Variants in LSAMP observed in about 807,000 individuals in gnomAD.
LSAMP encodes the protein limbic system-associated membrane protein.
A neutral mutation model predicts 38.6 loss-of-function variants in LSAMP; 7 were observed. The observed-to-expected ratio is 0.18, with a 90% CI of 0.10 to 0.34. The LOEUF (loss-of-function observed/expected upper bound fraction) is 0.34. Among genes scored for constraint, LSAMP ranks in the 10% least tolerant of loss-of-function variants. The pLI, the probability that LSAMP is intolerant of heterozygous loss-of-function variation, is 1.00. For missense variants in LSAMP, 313 were observed against 420.0 expected, an observed-to-expected ratio of 0.75 and a Z score of 2.23; for synonymous variants, 154 against 166.8, an observed-to-expected ratio of 0.92 and a Z score of 0.59.
In LSAMP at chr3:115,899,638, A is replaced by T. The variant is rs552426996; in HGVS notation, c.515-47021T>A. ...CACATCCACTAAATCTTATATGTCA[A>T]ATTGCCATAAAATCTAGATGTGATG... On this transcript the variant is annotated intron_variant, in intron 3 of 6. Coordinates refer to ENST00000490035, the MANE Select transcript of LSAMP (RefSeq NM_002338.5). 1.2e-4 allele frequency among the ~76,000 whole-genome samples: 18 copies of T among 152,306 alleles called. No homozygotes were observed. In the South Asian group the frequency reaches 3.7e-3, roughly 32 times the overall value.
At chr3:116,162,644 TTATATA>T (rs142669732) in intron 1 of LSAMP, among the ~76,000 whole-genome samples, 5 of 148,558 alleles carry the variant, frequency 3.4e-5, no homozygotes, top group Admixed American at 1.4e-4. Context: ...TGTGTGTACA[TTATATA>T]TATATATATA....
chr3:116,065,608 T>G (rs1164039263), intron 2 of LSAMP, among the ~76,000 whole-genome samples: 3 of 152,218 alleles, frequency 2.0e-5, no homozygotes, highest in Admixed American at 2.0e-4. Flanking sequence ...ATAGGGACTG[T>G]AATATCTAAC....
chr3:116,261,064 A>G (rs779822468), intron 1 of LSAMP, among the ~76,000 whole-genome samples: 5 of 152,198 alleles, frequency 3.3e-5, no homozygotes, highest in Non-Finnish European at 5.9e-5. Context: ...CCTTAGCCAC[A>G]TACACCTTGG....
intron 1 of LSAMP, among the ~76,000 whole-genome samples, chr3:116,412,778 C>T (rs916831663): frequency 6.6e-6 from 1 of 152,020 alleles, no homozygotes; most frequent in African/African-American, 2.4e-5. Flanking sequence ...TAAACCTAAA[C>T]ATCAAAAAGA....
chr3:115,945,932 T>A (rs1938082710), intron 3 of LSAMP, among the ~76,000 whole-genome samples: 1 of 152,162 alleles, frequency 6.6e-6, no homozygotes, highest in Admixed American at 6.6e-5. Flanking sequence ...TCAACTGAAG[T>A]TTTTAAATAC....
chr3:115,867,408 T>G (rs1358365627), intron 3 of LSAMP, among the ~76,000 whole-genome samples: 1 of 152,110 alleles, frequency 6.6e-6, no homozygotes, highest in Non-Finnish European at 1.5e-5. Context: ...AACTTCACAA[T>G]TTCAAGATGA....
chr3:116,205,264 C>T (rs1307142200), intron 1 of LSAMP, among the ~76,000 whole-genome samples: 1 of 147,450 alleles, frequency 6.8e-6, no homozygotes, highest in Non-Finnish European at 1.5e-5. Context: ...TATCCTGAGA[C>T]TTTGCTGAAG....
intron 1 of LSAMP, among the ~76,000 whole-genome samples, chr3:116,379,044 C>T (rs2048525996): frequency 1.3e-5 from 2 of 148,326 alleles, no homozygotes; most frequent in Admixed American, 1.4e-4. Context: ...CGAGTCCTAC[C>T]ATGACAAATT....
At chr3:116,147,539 ACTTT>A (rs1214282513) in intron 1 of LSAMP, among the ~76,000 whole-genome samples, 1 of 151,972 alleles carries the variant, frequency 6.6e-6, no homozygotes, top group Non-Finnish European at 1.5e-5. Flanking sequence ...GGTGATCACC[ACTTT>A]CTTTTCTCAC....
intron 3 of LSAMP, among the ~76,000 whole-genome samples, chr3:115,922,807 G>A (rs142303130): frequency 1.3e-5 from 2 of 152,190 alleles, no homozygotes; most frequent in African/African-American, 4.8e-5. Context: ...ATGTGAAGAG[G>A]AGAGAGGTAT....
intron 4 of LSAMP, among the ~76,000 whole-genome samples, chr3:115,849,521 A>G (rs1935264622): frequency 6.6e-6 from 1 of 152,122 alleles, no homozygotes; most frequent in Admixed American, 6.5e-5. Flanking sequence ...TGTTCATTAC[A>G]ATAATCTATT....
intron 1 of LSAMP, among the ~76,000 whole-genome samples, chr3:116,102,077 A>G (rs1304820928): frequency 6.6e-6 from 1 of 152,166 alleles, no homozygotes; most frequent in African/African-American, 2.4e-5. Context: ...GAAATTAGCA[A>G]TTATTTTTTC....
intron 1 of LSAMP, among the ~76,000 whole-genome samples, chr3:116,374,054 A>C (rs1299697255): frequency 6.6e-6 from 1 of 151,946 alleles, no homozygotes; most frequent in African/African-American, 2.4e-5. Context: ...GTACAGTTCA[A>C]TGTTCCATCA....
intron 1 of LSAMP, among the ~76,000 whole-genome samples, chr3:116,170,857 G>A (rs934704908): frequency 4.6e-5 from 7 of 151,986 alleles, no homozygotes; most frequent in Non-Finnish European, 1.0e-4. Context: ...CCAGGGTTGT[G>A]TGTCTGACCA....
At chr3:116,127,728 C>A (rs2107497527) in intron 1 of LSAMP, among the ~76,000 whole-genome samples, 2 of 118,842 alleles carry the variant, frequency 1.7e-5, no homozygotes, top group Non-Finnish European at 3.3e-5. Flanking sequence ...TTTTGGTAGA[C>A]CTGTTGGATC....
chr3:115,923,248 C>T (rs1043642347), intron 3 of LSAMP, among the ~76,000 whole-genome samples: 3 of 152,198 alleles, frequency 2.0e-5, no homozygotes, highest in Non-Finnish European at 2.9e-5. Flanking sequence ...GTTGGACTCA[C>T]ATTCCACTTT....
At chr3:115,906,245 T>C (rs1020398665) in intron 3 of LSAMP, among the ~76,000 whole-genome samples, 4 of 152,170 alleles carry the variant, frequency 2.6e-5, no homozygotes, top group African/African-American at 9.6e-5. Flanking sequence ...CAGAAGAAAC[T>C]AATGCTACTT....
chr3:116,392,216 G>C (rs554336577), intron 1 of LSAMP, among the ~76,000 whole-genome samples: 4 of 152,162 alleles, frequency 2.6e-5, no homozygotes, highest in Non-Finnish European at 5.9e-5. Context: ...TTGAGTTGGT[G>C]GAGTGGGAAC....
intron 6 of LSAMP, among the ~76,000 whole-genome samples, chr3:115,835,933 G>C (rs1559842902): frequency 6.6e-6 from 1 of 152,158 alleles, no homozygotes; most frequent in African/African-American, 2.4e-5. Flanking sequence ...TTCTAGCTTT[G>C]AAAATAAATA....
Sources: gnomAD v4.1 joint callset for allele counts (sites outside exome capture counted in the v4.1 genomes callset) on GRCh38, gnomAD v4.1.1 for gene constraint, MANE v1.5 for transcripts, NCBI Gene and HGNC (gene_info 2026-07-23, HGNC 2026-07-21) for gene names.